ITGB6: variants seen among roughly 807,000 people sequenced by gnomAD.
The protein encoded by ITGB6 is integrin subunit beta 6.
Under a neutral mutation model 84.5 loss-of-function variants are expected in ITGB6, and 80 were observed. That is an observed-to-expected ratio of 0.95 (90% CI 0.79 to 1.14). The LOEUF is 1.14. ITGB6 is among the 50% of genes most tolerant of loss of function. The pLI is 0.00. For missense variants in ITGB6, 1,006 were observed against 968.0 expected (o/e 1.04, Z -0.52); for synonymous variants, 383 against 354.9 (o/e 1.08, Z -0.89).
At chr2:160,125,730 G>A (rs1431453040) in intron 11 of ITGB6, among the ~76,000 whole-genome samples, 2 of 152,126 alleles carry the variant, frequency 1.3e-5, no homozygotes, top group African/African-American at 2.4e-5. Context: ...TTGGAGGCTC[G>A]CTTCACTTGA....
chr2:160,111,912 T>C (rs549798403), intron 13 of ITGB6, among the ~76,000 whole-genome samples, 168 bp downstream of exon 13: 12 of 152,240 alleles, frequency 7.9e-5, no homozygotes, highest in African/African-American at 2.4e-4. Flanking sequence ...CACTGGAACA[T>C]ACTGAACCTT....
chr2:160,135,366 AAGG>A (rs1436549196), intron 10 of ITGB6, among the ~76,000 whole-genome samples: 2 of 151,368 alleles, frequency 1.3e-5, no homozygotes, highest in African/African-American at 4.9e-5. Context: ...GGACCTCTTC[AAGG>A]AGAACTACAA....
intron 14 of ITGB6, among the ~76,000 whole-genome samples, chr2:160,106,135 A>G (rs1036057807): frequency 6.6e-6 from 1 of 152,220 alleles, no homozygotes; most frequent in African/African-American, 2.4e-5. Context: ...ATTTTCTAGC[A>G]ATGTCACCAT....
chr2:160,116,896 A>C (rs1031544278), intron 12 of ITGB6, among the ~76,000 whole-genome samples: 1 of 151,270 alleles, frequency 6.6e-6, no homozygotes, highest in African/African-American at 2.4e-5. Flanking sequence ...TTAAACCAAC[A>C]AAGATCAAAA....
chr2:160,194,088 C>T (rs1214938949), intron 4 of ITGB6, among the ~76,000 whole-genome samples: 3 of 152,034 alleles, frequency 2.0e-5, no homozygotes, highest in Non-Finnish European at 4.4e-5. Context: ...ATCCAGGAGG[C>T]AGAGGTTACA....
intron 4 of ITGB6, among the ~76,000 whole-genome samples, chr2:160,182,105 C>G (rs1339928247): frequency 6.6e-6 from 1 of 152,202 alleles, no homozygotes; most frequent in Non-Finnish European, 1.5e-5. Context: ...ATTACAACTC[C>G]TCGCCAGCAA....
chr2:160,102,742 A>G (rs1227272527), intron 14 of ITGB6, among the ~76,000 whole-genome samples: 1 of 152,088 alleles, frequency 6.6e-6, no homozygotes, highest in Non-Finnish European at 1.5e-5. Context: ...GTGTCTGGGT[A>G]AGGTACAGTT....
chr2:160,121,832 TG>T (rs2105795494), intron 12 of ITGB6, among the ~76,000 whole-genome samples: 1 of 151,212 alleles, frequency 6.6e-6, no homozygotes, highest in African/African-American at 2.4e-5. Flanking sequence ...AACATGTTTT[TG>T]ATATGCCCAC....
intron 10 of ITGB6, among the ~76,000 whole-genome samples, chr2:160,133,361 A>G (rs1255196999): frequency 6.6e-6 from 1 of 152,222 alleles, no homozygotes; most frequent in East Asian, 1.9e-4. Flanking sequence ...AGAGCTAACT[A>G]TCCTAAATTT....
chr2:160,136,958 G>A (rs1238825645), intron 10 of ITGB6, among the ~76,000 whole-genome samples: 1 of 151,312 alleles, frequency 6.6e-6, no homozygotes, highest in African/African-American at 2.4e-5. Flanking sequence ...GTTAAATGAT[G>A]AGTTAATGGG....
At chr2:160,111,153 C>G (rs1437313643) in intron 13 of ITGB6, among the ~76,000 whole-genome samples, 1 of 151,422 alleles carries the variant, frequency 6.6e-6, no homozygotes, top group Non-Finnish European at 1.5e-5. Context: ...AAAAAATCAC[C>G]AACTAGATAC....
Position 160,195,408 on chromosome 2 carries a change from A to T in ITGB6, c.554T>A (p.Phe185Tyr), listed in dbSNP as rs1050990851. ...GSFVEKPVSP[F>Y]VKTTPEEIAN... ...AATTTCTTCTGGTGTTGTTTTCACA[A>T]AAGGGGATACAGGTTTTTCCACAAA... The change falls in exon 4 of 15, where the codon TTT becomes TAT. Residue 185 changes from phenylalanine to tyrosine, a missense_variant. By Grantham distance (22) the Phe-to-Tyr change is conservative. Coordinates refer to ENST00000283249, the MANE Select transcript of ITGB6 (RefSeq NM_000888.5). The T allele has an allele frequency of 5.6e-6, 9 of 1,614,182 alleles. No homozygotes were observed. The highest frequency in any genetic ancestry group is 7.6e-6 in the Non-Finnish European group (9 of 1,179,996).
chr2:160,193,885 G>A (rs564713938), intron 4 of ITGB6, among the ~76,000 whole-genome samples: 80 of 152,300 alleles, frequency 5.3e-4, no homozygotes, highest in African/African-American at 1.7e-3. Flanking sequence ...GACTGGGCGC[G>A]GTGGCTCACG....
chr2:160,150,631 C>T (rs528702947), intron 7 of ITGB6, among the ~76,000 whole-genome samples: 10 of 152,206 alleles, frequency 6.6e-5, no homozygotes, highest in African/African-American at 2.2e-4. Flanking sequence ...TGTAAAGGGG[C>T]TAAATGTCCC....
intron 14 of ITGB6, among the ~76,000 whole-genome samples, chr2:160,105,221 G>A (rs1574029378): frequency 6.6e-6 from 1 of 152,118 alleles, no homozygotes; most frequent in Non-Finnish European, 1.5e-5. Context: ...ATTTAATAAG[G>A]GAATAATATT....
chr2:160,178,021 C>T (rs1451550289), intron 4 of ITGB6, among the ~76,000 whole-genome samples: 1 of 152,116 alleles, frequency 6.6e-6, no homozygotes, highest in East Asian at 1.9e-4. Context: ...ATTACAGGCT[C>T]ACGCCACCAT....
At chr2:160,130,104 C>T (rs1418086198) in intron 10 of ITGB6, among the ~76,000 whole-genome samples, 1 of 152,006 alleles carries the variant, frequency 6.6e-6, no homozygotes, top group African/African-American at 2.4e-5. Flanking sequence ...ATGGTATAGC[C>T]TATTGCTCCT....
chr2:160,123,492 A>G (rs1683119525), intron 12 of ITGB6, among the ~76,000 whole-genome samples: 1 of 152,160 alleles, frequency 6.6e-6, no homozygotes, highest in East Asian at 1.9e-4. Context: ...CTCCATTTCT[A>G]GTTTGAAAAA....
Position 160,183,041 on chromosome 2 carries a change from C to G in ITGB6, c.594-8902G>C, listed in dbSNP as rs376148986. On this transcript the variant is annotated intron_variant, in intron 4 of 14. Coordinates refer to ENST00000283249, the MANE Select transcript of ITGB6 (RefSeq NM_000888.5). ...TGGTACCAGCCACTGCAAAAACATA[C>G]CAAATTGTAAAGACCGTCGACACTA... Among the ~76,000 whole-genome samples, 75 of 152,222 alleles carry G rather than the reference C, an allele frequency of 4.9e-4. 1 individual carries two copies. In the East Asian group the frequency reaches 0.01, roughly 21 times the overall value.
Sources: gnomAD v4.1 joint callset for allele counts (sites outside exome capture counted in the v4.1 genomes callset) on GRCh38, gnomAD v4.1.1 for gene constraint, MANE v1.5 for transcripts, NCBI Gene and HGNC (gene_info 2026-07-23, HGNC 2026-07-21) for gene names.